The following PPP1R1C variants were observed in gnomAD, a reference collection of about 807,000 sequenced individuals.
PPP1R1C encodes the protein protein phosphatase 1 regulatory subunit 1C.
In PPP1R1C, 15 loss-of-function variants were observed where a neutral mutation model predicts 17.4. The observed-to-expected ratio is 0.86, with a 90% CI of 0.58 to 1.33. The LOEUF (loss-of-function observed/expected upper bound fraction) is 1.33, where lower values mean the gene tolerates loss of function less well. PPP1R1C is among the 40% of genes most tolerant of loss of function. The pLI is 0.00. For missense variants in PPP1R1C, 143 were observed against 130.0 expected (o/e 1.10, Z -0.48); for synonymous variants, 35 against 43.1 (o/e 0.81, Z 0.73).
rs1685086615 is a variant in PPP1R1C, at chr2:181,976,035, C to T, written n.157+771C>T. ...ATTATTTAAAATTATCTTTGTTATT[C>T]TGGCTCTTAATTTTTTATTAAAAAA... On this transcript the variant is annotated intron_variant and non_coding_transcript_variant, in intron 2 of 5. Transcript: ENST00000464264. This position sits in a 1 kb window ranked among gnomAD's most constrained non-coding sequence, Gnocchi z 4.8. Among the ~76,000 whole-genome samples the T allele has an allele frequency of 6.6e-6, 1 of 151,980 alleles. No individual in the cohort carries two copies. Among genetic ancestry groups the T allele is most frequent in the Non-Finnish European group, 1.5e-5 (1 of 67,938 alleles).
intron 4 of PPP1R1C, among the ~76,000 whole-genome samples, chr2:182,102,478 T>A (rs1002662574): frequency 2.6e-5 from 4 of 152,226 alleles, no homozygotes; most frequent in African/African-American, 4.8e-5. Context: ...CTCAGAGTAG[T>A]TTCTATCATT....
intron 2 of PPP1R1C, among the ~76,000 whole-genome samples, chr2:182,048,397 G>A (rs1687407407): frequency 6.6e-6 from 1 of 152,220 alleles, no homozygotes; most frequent in African/African-American, 2.4e-5. Flanking sequence ...AAGTCAGGAA[G>A]ACAGGCTTCA....
At chr2:182,066,425 A>G (rs1165208786) in intron 4 of PPP1R1C, among the ~76,000 whole-genome samples, 1 of 152,130 alleles carries the variant, frequency 6.6e-6, no homozygotes, top group African/African-American at 2.4e-5. Context: ...CTGATCCATA[A>G]CAAATGTATG....
chr2:182,030,118 A>AT (rs1405687811), intron 2 of PPP1R1C, among the ~76,000 whole-genome samples: 1 of 141,440 alleles, frequency 7.1e-6, no homozygotes, highest in Non-Finnish European at 1.5e-5. Flanking sequence ...ATTCTTCTAA[A>AT]TTTTTTTCAA....
At chr2:182,128,387 A>G (rs1435977672) in intron 5 of PPP1R1C, among the ~76,000 whole-genome samples, 1 of 152,018 alleles carries the variant, frequency 6.6e-6, no homozygotes, top group African/African-American at 2.4e-5. Context: ...AAACGTGGAG[A>G]ATTATATAAT....
At chr2:181,994,260 G>A (rs554250368) in intron 2 of PPP1R1C, among the ~76,000 whole-genome samples, 1 of 152,032 alleles carries the variant, frequency 6.6e-6, no homozygotes. Context: ...GCCAATTTGT[G>A]TTTGACCAAA....
At position 181,986,205 on chromosome 2, in the gene PPP1R1C, C is replaced by T. The variant is rs759872712; in HGVS notation, c.81+14C>T. ...GCAGCAGAGCAGGTATGTGAAATTG[C>T]ATGGAGAACCATTCCTGTACATAAG... On this transcript the variant is annotated intron_variant, in intron 1 of 4. Coordinates refer to ENST00000682840, the MANE Select transcript of PPP1R1C (RefSeq NM_001080545.3). 1 of 1,572,380 alleles carries T rather than the reference C, an allele frequency of 6.4e-7. No individual in the cohort carries two copies. Among genetic ancestry groups the T allele is most frequent in the South Asian group, 1.1e-5 (1 of 90,322 alleles).
intron 2 of PPP1R1C, among the ~76,000 whole-genome samples, chr2:182,037,212 TCA>T (rs1687037957): frequency 6.6e-6 from 1 of 152,210 alleles, no homozygotes; most frequent in Admixed American, 6.5e-5. Context: ...CATATTTCTT[TCA>T]CAGTTTTCTA....
upstream of PPP1R1C, chr2:181,985,795 A>G (rs952582200): frequency 7.0e-5 from 26 of 371,744 alleles, no homozygotes; most frequent in Admixed American, 6.4e-4. The surrounding 1 kb of genome is among the most constrained non-coding windows in gnomAD (Gnocchi z 4.1). Flanking sequence ...TGCATTTTCA[A>G]TTAGCTGCTG....
Position 181,962,416 on chromosome 2 carries a change from C to A in PPP1R1C, n.111+7782C>A. ...TGGCCGGCCGGGCGCCGTAGTTGGA[C>A]ACCTGGACAGAGCCCAGGAACAGGT... On this transcript the variant is annotated intron_variant and non_coding_transcript_variant, in intron 1 of 5. Coordinates refer to the PPP1R1C transcript ENST00000464264. The surrounding 1 kb of genome is among the most constrained non-coding windows in gnomAD (Gnocchi z 6.0). 1.4e-6 allele frequency: 1 copy of A among 716,274 alleles called. No homozygotes were observed. The highest frequency in any genetic ancestry group is 1.5e-5 in the South Asian group (1 of 68,248). 44.4% of individuals were successfully genotyped at this position (716,274 alleles called of 1,614,324 possible).
downstream of PPP1R1C, among the ~76,000 whole-genome samples, chr2:182,121,654 ATTTT>A (rs923070014): frequency 1.3e-5 from 2 of 151,778 alleles, no homozygotes; most frequent in Non-Finnish European, 2.9e-5. Context: ...CGCCCAGCTG[ATTTT>A]TGTTTGTTTG....
chr2:182,071,309 G>C (rs570005144), intron 4 of PPP1R1C, among the ~76,000 whole-genome samples: 85 of 152,196 alleles, frequency 5.6e-4, no homozygotes, highest in African/African-American at 2.0e-3. Flanking sequence ...AGGAATACTG[G>C]TTAGGTATTT....
At chr2:182,006,939 T>C (rs986950140) in intron 2 of PPP1R1C, among the ~76,000 whole-genome samples, 1 of 152,194 alleles carries the variant, frequency 6.6e-6, no homozygotes, top group Non-Finnish European at 1.5e-5. Flanking sequence ...GATATTTCCT[T>C]GTATAACTGG....
At chr2:182,073,138 G>A (rs764971670) in intron 4 of PPP1R1C, among the ~76,000 whole-genome samples, 51 of 152,144 alleles carry the variant, frequency 3.4e-4, no homozygotes, top group Admixed American at 3.1e-3. Context: ...GCGTTTCTTC[G>A]TCCGCCTTCC....
chr2:182,099,047 G>T (rs1389394121), intron 4 of PPP1R1C, among the ~76,000 whole-genome samples: 1 of 152,142 alleles, frequency 6.6e-6, no homozygotes, highest in Non-Finnish European at 1.5e-5. Context: ...GTAATAACTT[G>T]TGACTAGAAA....
chr2:182,030,740 C>T (rs1455659360), intron 2 of PPP1R1C: 6 of 151,074 alleles, frequency 4.0e-5, no homozygotes, highest in African/African-American at 1.2e-4. Context: ...GTGGGCTCCA[C>T]ACAGTTCGAG....
intron 2 of PPP1R1C, among the ~76,000 whole-genome samples, chr2:182,051,039 G>A (rs1434379628): frequency 6.6e-6 from 1 of 152,166 alleles, no homozygotes; most frequent in Non-Finnish European, 1.5e-5. Context: ...TACACAGGCT[G>A]GATGTGAAAA....
At chr2:182,079,326 G>GA (rs1688405038) in intron 4 of PPP1R1C, among the ~76,000 whole-genome samples, 8 of 152,174 alleles carry the variant, frequency 5.3e-5, no homozygotes, top group Admixed American at 5.2e-4. Context: ...GCTAGATAAG[G>GA]AAAAATGGTT....
chr2:182,099,189 C>T (rs776231559), intron 4 of PPP1R1C, among the ~76,000 whole-genome samples: 3 of 152,168 alleles, frequency 2.0e-5, no homozygotes, highest in Non-Finnish European at 4.4e-5. Flanking sequence ...CTCATGTAAT[C>T]TTCAGCAGCC....
Sources: allele counts gnomAD v4.1 joint callset (sites outside exome capture counted in the v4.1 genomes callset), GRCh38; gene constraint gnomAD v4.1.1; non-coding constraint Gnocchi (gnomAD v3.1); transcripts MANE v1.5; gene names NCBI Gene and HGNC (gene_info 2026-07-23, HGNC 2026-07-21).